VIPR2: variants seen among roughly 807,000 people sequenced by gnomAD.
VIPR2 encodes the protein vasoactive intestinal peptide receptor 2.
VIPR2 carries 48 observed loss-of-function variants against 58.0 expected under a neutral mutation model. The ratio of observed to expected loss-of-function variants is 0.83; its 90% CI spans 0.66 to 1.05. VIPR2 has a LOEUF of 1.05. Ranked by LOEUF, VIPR2 falls within the 50% of genes least tolerant of loss-of-function variation. The pLI is 0.00. For synonymous variants in VIPR2, 243 were observed against 235.2 expected (o/e 1.03, Z -0.30); for missense variants, 534 against 558.0 (o/e 0.96, Z 0.43).
chr7:159,142,280 C>A (rs1255014496), intron 2 of VIPR2, among the ~76,000 whole-genome samples, 166 bp downstream of exon 2: 1 of 151,912 alleles, frequency 6.6e-6, no homozygotes, highest in Non-Finnish European at 1.5e-5. Flanking sequence ...CTATCCAACT[C>A]TCTCTGAGTT....
chr7:159,137,195 A>T (rs1265662773), intron 2 of VIPR2, among the ~76,000 whole-genome samples: 1 of 152,130 alleles, frequency 6.6e-6, no homozygotes, highest in Non-Finnish European at 1.5e-5. Context: ...CCCAGGCAAC[A>T]GCTCCGTTCT....
At chr7:159,052,608 A>G (rs1313358422) in intron 5 of VIPR2, among the ~76,000 whole-genome samples, 1 of 152,226 alleles carries the variant, frequency 6.6e-6, no homozygotes, top group East Asian at 1.9e-4. Context: ...GGAAAACAAT[A>G]GATCAATTTC....
At chr7:159,138,748 C>A (rs1051334580) in intron 2 of VIPR2, among the ~76,000 whole-genome samples, 2 of 152,242 alleles carry the variant, frequency 1.3e-5, no homozygotes, top group African/African-American at 4.8e-5. Flanking sequence ...CACCCCAACT[C>A]TCCAGGGGCA....
intron 4 of VIPR2, among the ~76,000 whole-genome samples, chr7:159,088,565 C>G (rs1178922130): frequency 6.6e-6 from 1 of 152,258 alleles, no homozygotes; most frequent in Non-Finnish European, 1.5e-5. Flanking sequence ...TGCAAGGAGT[C>G]AGGACAGTCC....
chr7:159,034,205 A>G lies in VIPR2; in HGVS notation c.971+8T>C, dbSNP rs1286689894. Reference sequence around the variant, plus strand: ...ATCAGGGACGGCCAGGCCGGGACACACACTCACTTGTACTGAGACTGGTCG... The same window carrying G: ...ATCAGGGACGGCCAGGCCGGGACACGCACTCACTTGTACTGAGACTGGTCG... On this transcript the variant is annotated splice_region_variant and intron_variant, in intron 10 of 12. Coordinates refer to ENST00000262178, the MANE Select transcript of VIPR2 (RefSeq NM_003382.5). 1.2e-6 allele frequency: 2 copies of G among 1,613,740 alleles called. No individual in the cohort carries two copies. Among genetic ancestry groups the G allele is most frequent in the African/African-American group, 1.3e-5 (1 of 75,050 alleles).
intron 4 of VIPR2, among the ~76,000 whole-genome samples, chr7:159,065,378 A>G (rs952888350): frequency 2.6e-5 from 4 of 152,150 alleles, no homozygotes; most frequent in Non-Finnish European, 4.4e-5. Flanking sequence ...TGGCTGCTCA[A>G]ATACGTCAAG....
chr7:159,086,743 C>A (rs982091466), intron 4 of VIPR2, among the ~76,000 whole-genome samples: 3 of 152,228 alleles, frequency 2.0e-5, no homozygotes, highest in African/African-American at 7.2e-5. Flanking sequence ...TGCCCAGGAC[C>A]CTTGGCTCAC....
chr7:159,088,054 C>T (rs114616856), intron 4 of VIPR2, among the ~76,000 whole-genome samples: 3,484 of 152,316 alleles, frequency 0.023, 150 homozygotes, highest in African/African-American at 0.08. Flanking sequence ...GGTGCCCACC[C>T]GACCCCTGAA....
intron 2 of VIPR2, among the ~76,000 whole-genome samples, chr7:159,123,583 C>T (rs1214035567): frequency 6.6e-6 from 1 of 152,076 alleles, no homozygotes; most frequent in Non-Finnish European, 1.5e-5. Context: ...GATTCTATGT[C>T]TTTGCTATTG....
At chr7:159,138,578 A>G (rs1797323098) in intron 2 of VIPR2, among the ~76,000 whole-genome samples, 2 of 152,258 alleles carry the variant, frequency 1.3e-5, no homozygotes, top group Admixed American at 1.3e-4. Context: ...GCTCTTAAAG[A>G]GAATATAAGA....
chr7:159,036,158 T>A, intron 7 of VIPR2, 146 bp from the exon 8 acceptor site: 3 of 1,020,408 alleles, frequency 2.9e-6, no homozygotes, highest in Non-Finnish European at 4.1e-6. Flanking sequence ...TGTAAATATT[T>A]ACAAGTTTAT....
At chr7:159,047,331 G>T (rs1186673160) in intron 5 of VIPR2, among the ~76,000 whole-genome samples, 1 of 152,170 alleles carries the variant, frequency 6.6e-6, no homozygotes, top group Non-Finnish European at 1.5e-5. Context: ...TTGATGAGTT[G>T]TGTGGTTAAG....
chr7:159,137,621 T>G (rs1163254503), intron 2 of VIPR2, among the ~76,000 whole-genome samples: 1 of 152,208 alleles, frequency 6.6e-6, no homozygotes, highest in Non-Finnish European at 1.5e-5. Flanking sequence ...CCCTCCTGCC[T>G]CGATCTCCCA....
intron 4 of VIPR2, among the ~76,000 whole-genome samples, chr7:159,091,897 G>A (rs1308870155): frequency 6.6e-6 from 1 of 152,242 alleles, no homozygotes; most frequent in African/African-American, 2.4e-5. Context: ...GGAGGCTGAG[G>A]CGGGCAGATC....
rs570762375 is a variant in VIPR2 at position 159,098,882 on chromosome 7, T to C, written c.357+4875A>G. Among the ~76,000 whole-genome samples, 4 of 152,364 alleles carry C rather than the reference T, an allele frequency of 2.6e-5. No homozygotes were observed. In the East Asian group the frequency reaches 7.7e-4, roughly 29 times the overall value. On this transcript the variant is annotated intron_variant, in intron 4 of 12. Coordinates refer to ENST00000262178, the MANE Select transcript of VIPR2 (RefSeq NM_003382.5). This position sits in a 1 kb window ranked among gnomAD's most constrained non-coding sequence, Gnocchi z 5.2. ...GAATCTGGGAAGCAAGTGGGCCTGA[T>C]GGGACGAAGCGTGAGCTCCGGGCAG...
At chr7:159,062,746 A>C (rs1346530285) in intron 4 of VIPR2, among the ~76,000 whole-genome samples, 1 of 152,144 alleles carries the variant, frequency 6.6e-6, no homozygotes, top group Non-Finnish European at 1.5e-5. Context: ...AGACCCAGTG[A>C]ATTGTCTCTA....
chr7:159,036,116 A>G, intron 7 of VIPR2, 104 bp from the exon 8 acceptor site: 3 of 1,314,200 alleles, frequency 2.3e-6, no homozygotes, highest in African/African-American at 1.5e-5. Context: ...TTCTCACGGG[A>G]ATATTAAGTG....
rs955993193 is a variant in VIPR2, at chr7:159,097,232, T to G, written c.357+6525A>C. On this transcript the variant is annotated intron_variant, in intron 4 of 12. Coordinates refer to ENST00000262178, the MANE Select transcript of VIPR2 (RefSeq NM_003382.5). This position sits in a 1 kb window ranked among gnomAD's most constrained non-coding sequence, Gnocchi z 5.3. ...CATCAGTGGGAACGAGTCACTGCGG[T>G]GGCCTGAGTGCTGGAGGAGGGCAGA... is the stretch of plus-strand genomic sequence containing the variant. 2 of 1,409,540 alleles carry G rather than the reference T, an allele frequency of 1.4e-6. No individual in the cohort carries two copies. The highest frequency in any genetic ancestry group is 1.9e-6 in the Non-Finnish European group (2 of 1,080,576). 87.3% of individuals were successfully genotyped at this position (1,409,540 alleles called of 1,614,324 possible).
chr7:159,132,695 T>TTCGGACGGGCA (rs1796974459), intron 2 of VIPR2, among the ~76,000 whole-genome samples: 1 of 149,768 alleles, frequency 6.7e-6, no homozygotes, highest in African/African-American at 2.4e-5. Flanking sequence ...ACGGACGGGC[T>TTCGGACGGGCA]CATTCAAGAA....
Sources: gnomAD v4.1 joint callset for allele counts (sites outside exome capture counted in the v4.1 genomes callset) on GRCh38, gnomAD v4.1.1 for gene constraint, Gnocchi (gnomAD v3.1) non-coding constraint, MANE v1.5 for transcripts, NCBI Gene and HGNC (gene_info 2026-07-23, HGNC 2026-07-21) for gene names.